Variants in AARSD1 observed in about 807,000 individuals in gnomAD.
AARSD1 encodes alanyl-tRNA synthetase domain containing 1.
In AARSD1, 44 loss-of-function variants were observed where a neutral mutation model predicts 48.7. The observed-to-expected ratio is 0.90, with a 90% CI of 0.71 to 1.16. The LOEUF (loss-of-function observed/expected upper bound fraction) is 1.16, where lower values mean the gene tolerates loss of function less well. Among genes scored for constraint, AARSD1 ranks in the 50% most tolerant of loss-of-function variants. The pLI, the probability that AARSD1 is intolerant of heterozygous loss-of-function variation, is 0.00. For synonymous variants in AARSD1, 189 were observed against 194.9 expected, an observed-to-expected ratio of 0.97 and a Z score of 0.25; for missense variants, 511 against 523.1, an observed-to-expected ratio of 0.98 and a Z score of 0.23.
In AARSD1 at chr17:42,964,393, A is replaced by G; in HGVS notation, c.39+9T>C. 6.4e-7 allele frequency: 1 copy of G among 1,553,026 alleles called. No individual in the cohort carries two copies. The highest frequency in any genetic ancestry group is 8.7e-7 in the Non-Finnish European group (1 of 1,148,166). On this transcript the variant is annotated intron_variant, in intron 1 of 11. Transcript: ENST00000427569. Reference sequence around the variant, plus strand: ...CGGCAGTCTCAAGTGCCTCGCCGTGACGCCGTACCTCTCGGGCATAACTGT... The same window carrying G: ...CGGCAGTCTCAAGTGCCTCGCCGTGGCGCCGTACCTCTCGGGCATAACTGT...
At position 42,964,431 on chromosome 17, in the gene AARSD1, A is replaced by C; in HGVS notation, c.10T>G (p.Trp4Gly). The C allele has an allele frequency of 1.3e-6, 2 of 1,550,820 alleles. No individual in the cohort carries two copies. The change falls in exon 1 of 12, where the codon TGG (tryptophan) becomes GGG (glycine). Residue 4 changes from tryptophan (W) to glycine (G), a missense_variant. Coordinates refer to ENST00000427569, the MANE Select transcript of AARSD1 (RefSeq NM_001261434.2). ...CGGGCATAACTGTCACGCTGACACC[A>C]GAACGCCATACCTGCAGGCGTGTGA... Reference protein sequence around the residue: MAFWCQRDSYAREF... With the variant: MAFGCQRDSYAREF...
chr17:42,957,225 A>G (rs764648087), intron 3 of AARSD1, 30 bp from the exon 4 acceptor site: 32 of 1,612,590 alleles, frequency 2.0e-5, no homozygotes, highest in Non-Finnish European at 2.2e-5. Context: ...GACAGGAGAA[A>G]AGTGAGAAGC....
At chr17:42,955,436 CT>C (rs34063248) in intron 7 of AARSD1, 25,174 of 280,866 alleles carry the variant, frequency 0.09, 1 homozygote, top group South Asian at 0.15. Flanking sequence ...AGCACTTGAT[CT>C]TTTTTTTTTT....
chr17:42,956,606 G>A (rs748778569), intron 4 of AARSD1, 46 bp from the exon 5 acceptor site: 93 of 1,216,536 alleles, frequency 7.6e-5, no homozygotes, highest in South Asian at 4.6e-4. Flanking sequence ...TACTGAACAA[G>A]AAAAAGCTGA....
chr17:42,950,835 T>C, intron 11 of AARSD1, 107 bp from the exon 12 acceptor site: 1 of 1,459,128 alleles, frequency 6.9e-7, no homozygotes, highest in Non-Finnish European at 9.0e-7. Flanking sequence ...ATAAGAAGAG[T>C]AGATGACTTC....
intron 3 of AARSD1, 30 bp downstream of exon 3, chr17:42,961,162 C>G (rs779052790): frequency 6.3e-7 from 1 of 1,590,580 alleles, no homozygotes; most frequent in South Asian, 1.1e-5. Context: ...GCAACTGCTC[C>G]GGTGTTATGT....
In AARSD1 at chr17:42,960,901, T is replaced by TTGA. The variant is rs548325533; in HGVS notation, c.331+290_331+291insTCA. On this transcript the variant is annotated intron_variant, in intron 3 of 11. Transcript: ENST00000427569. ...AGGAGGGAGGGGAAGGCTTTTTGTT[T>TTGA]CATTTTGGACATTTTGAGTTTGAAA... The TTGA allele has an allele frequency of 3.0e-4, 90 of 304,060 alleles. 2 individuals carry two copies. The highest frequency in any genetic ancestry group is 1.7e-3 in the Admixed American group (32 of 18,756). 18.8% of individuals were successfully genotyped at this position (304,060 alleles called of 1,614,324 possible). A position where few individuals can be genotyped will look rare whatever the true frequency, so the allele number is the denominator to read the frequency against.
intron 2 of AARSD1, among the ~76,000 whole-genome samples, chr17:42,963,673 C>CA (rs2049669814): frequency 6.6e-6 from 1 of 152,094 alleles, no homozygotes; most frequent in African/African-American, 2.4e-5. Flanking sequence ...ACCTGCTATT[C>CA]TACCTGCCTG....
intron 3 of AARSD1, among the ~76,000 whole-genome samples, chr17:42,960,570 A>G (rs1366100365): frequency 6.6e-6 from 1 of 151,684 alleles, no homozygotes; most frequent in Non-Finnish European, 1.5e-5. Flanking sequence ...TAAAAATACA[A>G]AATTAGCTGG....
intron 1 of AARSD1, 38 bp downstream of exon 1, chr17:42,964,364 G>C (rs775311504): frequency 1.3e-6 from 2 of 1,563,208 alleles, no homozygotes; most frequent in Non-Finnish European, 1.7e-6. Flanking sequence ...CCGCCTTGCC[G>C]GCCCGGCAGT....
intron 2 of AARSD1, among the ~76,000 whole-genome samples, chr17:42,963,576 T>G (rs532651082): frequency 6.6e-6 from 1 of 152,072 alleles, no homozygotes; most frequent in East Asian, 1.9e-4. Flanking sequence ...TGTACTACTG[T>G]AACCCGTCTA....
Position 42,962,889 on chromosome 17 carries a change from G to A in AARSD1, c.171+1217C>T, listed in dbSNP as rs572517631. On this transcript the variant is annotated intron_variant, in intron 2 of 11. Coordinates refer to ENST00000427569, the MANE Select transcript of AARSD1 (RefSeq NM_001261434.2). ...CTACAAAAAAGCAGCCAAGCATGTT[G>A]GTTGTGCGCCTGTAGTCCCCACTAC... 1.4e-4 allele frequency among the ~76,000 whole-genome samples: 22 copies of A among 152,238 alleles called. No individual in the cohort carries two copies. In the South Asian group the frequency reaches 4.6e-3, roughly 32 times the overall value.
At chr17:42,953,905 C>T in intron 9 of AARSD1, 127 bp from the exon 10 acceptor site, 1 of 1,218,572 alleles carries the variant, frequency 8.2e-7, no homozygotes, top group South Asian at 1.3e-5. Context: ...TATCCCTTAG[C>T]CAAGAGAGAG....
intron 10 of AARSD1, 50 bp from the exon 11 acceptor site, chr17:42,951,944 C>A: frequency 6.3e-7 from 1 of 1,587,420 alleles, no homozygotes; most frequent in South Asian, 1.1e-5. Context: ...GATGTAGAGT[C>A]AACCCCCCAA....
chr17:42,952,882 C>T (rs1314832476), intron 10 of AARSD1, among the ~76,000 whole-genome samples: 2 of 150,522 alleles, frequency 1.3e-5, no homozygotes, highest in Non-Finnish European at 2.9e-5. Flanking sequence ...GGCGCAATCT[C>T]GGCTCACTGC....
intron 2 of AARSD1, chr17:42,962,144 C>CA (rs1169805745): frequency 1.4e-5 from 3 of 216,368 alleles, no homozygotes; most frequent in African/African-American, 4.8e-5. Context: ...TACTAAAATA[C>CA]AAAAAATTAA....
chr17:42,959,023 C>T (rs1365736648), intron 3 of AARSD1, among the ~76,000 whole-genome samples: 1 of 148,154 alleles, frequency 6.7e-6, no homozygotes, highest in Non-Finnish European at 1.5e-5. Flanking sequence ...ATGGTGAACC[C>T]CCATCTCTAC....
At position 42,956,729 on chromosome 17, in the gene AARSD1, G is replaced by C. The variant is rs1183449417; in HGVS notation, c.390-169C>G. On this transcript the variant is annotated intron_variant, in intron 4 of 11. Coordinates refer to ENST00000427569, the MANE Select transcript of AARSD1 (RefSeq NM_001261434.2). ...GTCGCCCAGGCTGGAGTGCAGTGGC[G>C]CGATCTCGGCTCACTGCAAGCTCCG... 5.1e-5 allele frequency among the ~76,000 whole-genome samples: 6 copies of C among 117,292 alleles called. No individual in the cohort carries two copies. In the East Asian group the frequency reaches 1.7e-3, roughly 34 times the overall value. 76.9% of individuals were successfully genotyped at this position (117,292 alleles called of 152,430 possible). A position where few individuals can be genotyped will look rare whatever the true frequency, so the allele number is the denominator to read the frequency against.
At chr17:42,960,254 C>T (rs1003182404) in intron 3 of AARSD1, among the ~76,000 whole-genome samples, 8 of 150,548 alleles carry the variant, frequency 5.3e-5, no homozygotes, top group South Asian at 2.1e-4. Context: ...GGCGACAGAG[C>T]GAGACTCCAA....
Sources: gnomAD v4.1 joint callset for allele counts (sites outside exome capture counted in the v4.1 genomes callset) on GRCh38, gnomAD v4.1.1 for gene constraint, MANE v1.5 for transcripts, NCBI Gene and HGNC (gene_info 2026-07-23, HGNC 2026-07-21) for gene names.